Variants in ENDOD1 observed in about 807,000 individuals in gnomAD.
ENDOD1 encodes the protein endonuclease domain containing 1.
A neutral mutation model predicts 6.5 loss-of-function variants in ENDOD1; 9 were observed. The ratio of observed to expected loss-of-function variants is 1.39; its 90% CI spans 0.84 to 2.43. ENDOD1 has a LOEUF of 2.43. ENDOD1 is among the 30% of genes most tolerant of loss of function. The pLI is 0.00. For missense variants in ENDOD1, 648 were observed against 635.5 expected (o/e 1.02, Z -0.21); for synonymous variants, 255 against 255.2 (o/e 1.00, Z 0.01).
chr11:95,122,962 G>A (rs558369280), intron 1 of ENDOD1, among the ~76,000 whole-genome samples: 1 of 152,098 alleles, frequency 6.6e-6, no homozygotes, highest in Admixed American at 6.6e-5. Context: ...GCCGAGGCGG[G>A]CAGATCACTT....
intron 1 of ENDOD1, among the ~76,000 whole-genome samples, chr11:95,091,275 A>C (rs549584672): frequency 6.6e-6 from 1 of 152,308 alleles, no homozygotes; most frequent in Non-Finnish European, 1.5e-5. Context: ...GGACCACACC[A>C]GTGGACAGGA....
In ENDOD1 at chr11:95,129,617, G is replaced by A. The variant is rs1859351452; in HGVS notation, c.*38G>A. 6.4e-7 allele frequency: 1 copy of A among 1,568,432 alleles called. No individual in the cohort carries two copies. The highest frequency in any genetic ancestry group is 1.4e-5 in the African/African-American group (1 of 73,442). Reference sequence around the variant, plus strand: ...AATAGTATCCAGTCACAGTGAATTTGAAAGCTGGAATAGTTTGTCTTTACA... The same window carrying A: ...AATAGTATCCAGTCACAGTGAATTTAAAAGCTGGAATAGTTTGTCTTTACA... On this transcript the variant is annotated 3_prime_UTR_variant, in exon 2 of 2. Coordinates refer to ENST00000278505, the MANE Select transcript of ENDOD1 (RefSeq NM_015036.3).
rs1175571064 is a variant in ENDOD1, at chr11:95,129,425, T to C, written c.1349T>C (p.Ile450Thr). The change falls in exon 2 of 2, where the codon ATT (isoleucine) becomes ACT (threonine). Residue 450 changes from isoleucine to threonine, a missense_variant. Transcript: ENST00000278505. ...GTGTACACCATGGGCGCTATTCCAA[T>C]TGTTTGCAAGGACATTGCACTGGGC... ...FPVYTMGAIP[I>T]VCKDIALGLG... 2 of 1,614,190 alleles carry C rather than the reference T, an allele frequency of 1.2e-6. No homozygotes were observed. The highest frequency in any genetic ancestry group is 1.7e-5 in the Admixed American group (1 of 60,032).
intron 1 of ENDOD1, among the ~76,000 whole-genome samples, chr11:95,110,583 ATGTGTG>A (rs35270641): frequency 4.7e-5 from 7 of 147,688 alleles, no homozygotes; most frequent in African/African-American, 1.2e-4. Context: ...CCGTGTATGT[ATGTGTG>A]TGTGTGTGTG....
At chr11:95,095,921 A>G (rs1315197714) in intron 1 of ENDOD1, among the ~76,000 whole-genome samples, 2 of 152,222 alleles carry the variant, frequency 1.3e-5, no homozygotes, top group Non-Finnish European at 1.5e-5. Flanking sequence ...AAACTGGCTG[A>G]CTAGACTTGT....
Position 95,128,998 on chromosome 11 carries a change from A to C in ENDOD1, c.922A>C (p.Thr308Pro), listed in dbSNP as rs1359343743. The change falls in exon 2 of 2, where the codon ACC becomes CCC. Residue 308 changes from threonine (T) to proline (P), a missense_variant. Transcript: ENST00000278505. ...AAAGAGTTCTAGTCCCCTTTCTAGC[A>C]CCAGGAGCAAGAGGTCTACTCTGTT... ...SQKSSSPLSSTRSKRSTLLPP... is the reference protein window; with the variant it reads ...SQKSSSPLSSPRSKRSTLLPP... 8 of 1,613,830 alleles carry C rather than the reference A, an allele frequency of 5.0e-6. No homozygotes were observed. The highest frequency in any genetic ancestry group is 6.8e-6 in the Non-Finnish European group (8 of 1,179,968).
At chr11:95,098,779 C>T (rs965258785) in intron 1 of ENDOD1, among the ~76,000 whole-genome samples, 1 of 151,762 alleles carries the variant, frequency 6.6e-6, no homozygotes, top group Non-Finnish European at 1.5e-5. Flanking sequence ...GAGGAGGAAA[C>T]AGGCCCAGAG....
intron 1 of ENDOD1, among the ~76,000 whole-genome samples, chr11:95,090,861 G>T (rs1028354116): frequency 2.6e-5 from 4 of 152,164 alleles, no homozygotes; most frequent in Non-Finnish European, 5.9e-5. Context: ...GAGTAAATTC[G>T]ATCTGCGGTT....
chr11:95,126,937 C>T lies in ENDOD1; in HGVS notation c.301-1440C>T, dbSNP rs1003843464. Among the ~76,000 whole-genome samples the T allele has an allele frequency of 4.7e-4, 71 of 152,270 alleles. 2 individuals are homozygous for T. The highest frequency in any genetic ancestry group is 6.2e-4 in the South Asian group (3 of 4,814). The stretch of plus-strand genomic sequence containing the variant: ...CTGAGTTTAGGTGATCCACCTGCCT[C>T]GGCCTCTCAAAGTGCTGGGATTACA... On this transcript the variant is annotated intron_variant, in intron 1 of 1. Coordinates refer to ENST00000278505, the MANE Select transcript of ENDOD1 (RefSeq NM_015036.3).
intron 1 of ENDOD1, among the ~76,000 whole-genome samples, chr11:95,099,739 C>A (rs1859020320): frequency 6.6e-6 from 1 of 152,178 alleles, no homozygotes; most frequent in African/African-American, 2.4e-5. Flanking sequence ...TTTGCAGGTT[C>A]TTGCATTTGT....
At chr11:95,099,026 A>G (rs1172186241) in intron 1 of ENDOD1, among the ~76,000 whole-genome samples, 1 of 152,168 alleles carries the variant, frequency 6.6e-6, no homozygotes, top group Non-Finnish European at 1.5e-5. Flanking sequence ...ACGCCCATGA[A>G]TATCAGAGGC....
At chr11:95,116,069 G>A (rs117461039) in intron 1 of ENDOD1, among the ~76,000 whole-genome samples, 2,748 of 152,136 alleles carry the variant, frequency 0.018, 41 homozygotes, top group Non-Finnish European at 0.03. Flanking sequence ...ATTGGTATTA[G>A]TTCTTCTTTA....
rs986230002 is a variant in ENDOD1, at chr11:95,132,061, G to A, written c.*2482G>A. Reference sequence around the variant, plus strand: ...TGCTGGCCTGTTCCTAATGAGCTACGCTGGGCTTTGAGGTAGAGGTTGGGG... The same window carrying A: ...TGCTGGCCTGTTCCTAATGAGCTACACTGGGCTTTGAGGTAGAGGTTGGGG... On this transcript the variant is annotated 3_prime_UTR_variant, in exon 2 of 2. Coordinates refer to ENST00000278505, the MANE Select transcript of ENDOD1 (RefSeq NM_015036.3). The A allele has an allele frequency of 2.8e-4, 42 of 152,676 alleles. No homozygotes were observed. Among genetic ancestry groups the A allele is most frequent in the Non-Finnish European group, 2.4e-4 (16 of 68,082 alleles). 9.5% of individuals were successfully genotyped at this position (152,676 alleles called of 1,614,324 possible). A position where few individuals can be genotyped will look rare whatever the true frequency, so the allele number is the denominator to read the frequency against.
At chr11:95,119,077 A>G (rs141344989) in intron 1 of ENDOD1, among the ~76,000 whole-genome samples, 2 of 152,248 alleles carry the variant, frequency 1.3e-5, no homozygotes, top group Non-Finnish European at 2.9e-5. Context: ...TCCCTGTGTT[A>G]TCATGAATTT....
intron 1 of ENDOD1, among the ~76,000 whole-genome samples, chr11:95,091,060 G>T (rs2134159105): frequency 6.6e-6 from 1 of 152,252 alleles, no homozygotes; most frequent in Middle Eastern, 3.4e-3. Context: ...TGTCCCGTCT[G>T]GTAAAGGTGA....
intron 1 of ENDOD1, among the ~76,000 whole-genome samples, chr11:95,097,495 C>T (rs1322148820): frequency 6.6e-6 from 1 of 152,120 alleles, no homozygotes; most frequent in Non-Finnish European, 1.5e-5. Context: ...AAGGAGACGG[C>T]AGATCATTTA....
chr11:95,120,109 A>G (rs1421018562), intron 1 of ENDOD1, among the ~76,000 whole-genome samples: 2 of 152,132 alleles, frequency 1.3e-5, no homozygotes, highest in East Asian at 3.9e-4. Context: ...AATGCCATCC[A>G]AGAGCCAAGT....
Position 95,129,289 on chromosome 11 carries a change from G to T in ENDOD1, c.1213G>T (p.Val405Leu), listed in dbSNP as rs181056490. 1 of 1,614,160 alleles carries T rather than the reference G, an allele frequency of 6.2e-7. No individual in the cohort carries two copies. Among genetic ancestry groups the T allele is most frequent in the African/African-American group, 1.3e-5 (1 of 75,030 alleles). ...CATTCCCTGGAAGGTGCTCAAGGTCGTGGCCAAAGTCATCAGGGCTCTCCT... is the reference window on the plus strand; with the variant it reads ...CATTCCCTGGAAGGTGCTCAAGGTCTTGGCCAAAGTCATCAGGGCTCTCCT... Reference protein sequence around the residue: ...VSIPWKVLKVVAKVIRALLRI... With the variant: ...VSIPWKVLKVLAKVIRALLRI... The change falls in exon 2 of 2, where the codon GTG (valine) becomes TTG (leucine). Residue 405 changes from valine to leucine, a missense_variant. Coordinates refer to ENST00000278505, the MANE Select transcript of ENDOD1 (RefSeq NM_015036.3).
chr11:95,093,075 G>T lies in ENDOD1; in HGVS notation c.300+2848G>T, dbSNP rs74481226. 6.5e-3 allele frequency among the ~76,000 whole-genome samples: 988 copies of T among 152,290 alleles called. 13 individuals are homozygous for T. The highest frequency in any genetic ancestry group is 0.022 in the African/African-American group (925 of 41,556). On this transcript the variant is annotated intron_variant, in intron 1 of 1. Transcript: ENST00000278505. ...CCACACTGCAGTTTCCCTTTGAAAA[G>T]AATCTCCTAAGTCAAAGATCACAGA...
Sources: gnomAD v4.1 joint callset for allele counts (sites outside exome capture counted in the v4.1 genomes callset) on GRCh38, gnomAD v4.1.1 for gene constraint, MANE v1.5 for transcripts, NCBI Gene and HGNC (gene_info 2026-07-23, HGNC 2026-07-21) for gene names.